Variants in THSD7B observed in about 807,000 individuals in gnomAD.
The protein encoded by THSD7B is thrombospondin type-1 domain-containing protein 7B.
In THSD7B, 138 loss-of-function variants were observed where a neutral mutation model predicts 213.6. The observed-to-expected ratio is 0.65, with a 90% CI of 0.56 to 0.74. The LOEUF is 0.74. Ranked by LOEUF, THSD7B falls within the 30% of genes least tolerant of loss-of-function variation. The probability of loss-of-function intolerance (pLI) is 0.00; values close to 1 mark genes in which losing one functional copy is unlikely to be tolerated. For missense variants in THSD7B, 1,931 were observed against 1,991.5 expected, an observed-to-expected ratio of 0.97 and a Z score of 0.58; for synonymous variants, 742 against 687.0, an observed-to-expected ratio of 1.08 and a Z score of -1.25.
At chr2:137,003,887 A>G (rs1686050175) in intron 2 of THSD7B, among the ~76,000 whole-genome samples, 1 of 152,148 alleles carries the variant, frequency 6.6e-6, no homozygotes, top group Admixed American at 6.5e-5. Context: ...CAAACCTGAC[A>G]TTTATCAGAC....
At chr2:136,906,936 GTTTTTTT>G (rs57887270) in intron 2 of THSD7B, among the ~76,000 whole-genome samples, 3 of 55,128 alleles carry the variant, frequency 5.4e-5, no homozygotes, top group African/African-American at 2.7e-4. Flanking sequence ...ACATTTCAAG[GTTTTTTT>G]TTTTTTTTTT....
chr2:137,347,530 G>A (rs1273665973), intron 12 of THSD7B, among the ~76,000 whole-genome samples: 1 of 150,866 alleles, frequency 6.6e-6, no homozygotes, highest in East Asian at 1.9e-4. Flanking sequence ...GGCTTGTTTG[G>A]AATGACTTAC....
At chr2:137,386,413 G>A (rs995083787) in intron 12 of THSD7B, among the ~76,000 whole-genome samples, 20 of 152,190 alleles carry the variant, frequency 1.3e-4, no homozygotes, top group African/African-American at 4.8e-4. Flanking sequence ...TGTAAATTGA[G>A]CTGTGCAGCT....
intron 3 of THSD7B, among the ~76,000 whole-genome samples, chr2:137,089,545 C>G (rs937441517): frequency 2.6e-5 from 4 of 151,732 alleles, no homozygotes; most frequent in African/African-American, 9.7e-5. Context: ...TACTCTAAGT[C>G]AAGTAACTCA....
intron 5 of THSD7B, among the ~76,000 whole-genome samples, chr2:137,132,364 T>C (rs919637167): frequency 9.4e-6 from 1 of 106,112 alleles, no homozygotes; most frequent in African/African-American, 3.0e-5. Context: ...TAAAAGGGTA[T>C]TCAATTTTTT....
intron 1 of THSD7B, among the ~76,000 whole-genome samples, chr2:136,864,993 A>G (rs564051983): frequency 6.6e-6 from 1 of 152,358 alleles, no homozygotes; most frequent in African/African-American, 2.4e-5. Context: ...AAAATTAATA[A>G]TAAGTTCTGA....
chr2:137,587,935 T>C (rs1259889024), intron 17 of THSD7B, among the ~76,000 whole-genome samples: 1 of 152,134 alleles, frequency 6.6e-6, no homozygotes, highest in East Asian at 1.9e-4. Flanking sequence ...CCCCCAGAGG[T>C]GGAGTCTACA....
At chr2:137,078,675 C>T (rs140487283) in intron 3 of THSD7B, among the ~76,000 whole-genome samples, 87 of 151,674 alleles carry the variant, frequency 5.7e-4, no homozygotes, top group African/African-American at 2.0e-3. Context: ...TTTTCATTTT[C>T]CAACTGTCTG....
chr2:136,913,603 T>C (rs1336046918), intron 2 of THSD7B, among the ~76,000 whole-genome samples: 1 of 152,204 alleles, frequency 6.6e-6, no homozygotes, highest in African/African-American at 2.4e-5. Flanking sequence ...CTAGGGACTT[T>C]GTGCCTTGTT....
chr2:137,108,342 T>C (rs1688292428), intron 4 of THSD7B, among the ~76,000 whole-genome samples: 1 of 152,264 alleles, frequency 6.6e-6, no homozygotes, highest in Non-Finnish European at 1.5e-5. Context: ...GTCCTGGTTC[T>C]ATTTTAAGAA....
chr2:136,980,534 A>G (rs530208649), intron 2 of THSD7B, among the ~76,000 whole-genome samples: 1 of 152,298 alleles, frequency 6.6e-6, no homozygotes, highest in Admixed American at 6.5e-5. Context: ...ACGATCTGTC[A>G]CAGCTGCTGT....
intron 2 of THSD7B, among the ~76,000 whole-genome samples, chr2:136,983,570 A>G (rs1280653747): frequency 6.6e-6 from 1 of 151,648 alleles, no homozygotes; most frequent in East Asian, 1.9e-4. Context: ...CACTTAAGAT[A>G]TATGTATGCA....
chr2:136,999,744 G>A (rs1685966756), intron 2 of THSD7B, among the ~76,000 whole-genome samples: 1 of 150,780 alleles, frequency 6.6e-6, no homozygotes, highest in Non-Finnish European at 1.5e-5. Context: ...TTCAAATATT[G>A]CACCCCCCTT....
intron 15 of THSD7B, among the ~76,000 whole-genome samples, chr2:137,540,098 C>A (rs1439831729): frequency 6.6e-6 from 1 of 151,530 alleles, no homozygotes. Flanking sequence ...TATGACTTTG[C>A]AGATAATGAG....
chr2:136,911,877 C>G (rs1684263997), intron 2 of THSD7B, among the ~76,000 whole-genome samples: 1 of 152,152 alleles, frequency 6.6e-6, no homozygotes, highest in Admixed American at 6.5e-5. Flanking sequence ...TTCTTCCTTT[C>G]CATCTACTCC....
chr2:137,537,858 A>T (rs149351545), intron 15 of THSD7B, among the ~76,000 whole-genome samples: 3 of 151,840 alleles, frequency 2.0e-5, no homozygotes, highest in African/African-American at 7.2e-5. Flanking sequence ...TACAATATTT[A>T]AAAAAATATG....
chr2:137,633,317 G>A (rs1682775960), intron 20 of THSD7B, among the ~76,000 whole-genome samples: 1 of 152,158 alleles, frequency 6.6e-6, no homozygotes, highest in African/African-American at 2.4e-5. Flanking sequence ...AATTTACTGT[G>A]ATGAGTACCT....
intron 20 of THSD7B, among the ~76,000 whole-genome samples, chr2:137,640,332 C>A (rs1356907888): frequency 6.6e-6 from 1 of 152,184 alleles, no homozygotes. Flanking sequence ...TCTGAGGCCT[C>A]CCCAGCCATG....
At chr2:137,009,553 A>C (rs1686184832) in intron 2 of THSD7B, among the ~76,000 whole-genome samples, 1 of 152,150 alleles carries the variant, frequency 6.6e-6, no homozygotes, top group African/African-American at 2.4e-5. Context: ...TTACAGTTCC[A>C]CGTGGCTGAG....
Sources: gnomAD v4.1 joint callset for allele counts (sites outside exome capture counted in the v4.1 genomes callset) on GRCh38, gnomAD v4.1.1 for gene constraint, MANE v1.5 for transcripts, NCBI Gene and HGNC (gene_info 2026-07-23, HGNC 2026-07-21) for gene names.